TOX2: variants seen among roughly 807,000 people sequenced by gnomAD.
The protein encoded by TOX2 is TOX high mobility group box family member 2, also known as granulosa cell HMG box 1.
TOX2 carries 15 observed loss-of-function variants against 47.4 expected under a neutral mutation model. The observed-to-expected ratio is 0.32, with a 90% CI of 0.21 to 0.49. The LOEUF (loss-of-function observed/expected upper bound fraction) is 0.49, where lower values mean the gene tolerates loss of function less well. Ranked by LOEUF, TOX2 falls within the 20% of genes least tolerant of loss-of-function variation. The pLI is 0.99. For synonymous variants in TOX2, 290 were observed against 296.6 expected, an observed-to-expected ratio of 0.98 and a Z score of 0.23; for missense variants, 622 against 673.1, an observed-to-expected ratio of 0.92 and a Z score of 0.84.
At chr20:44,039,482 A>G (rs112915286) in intron 3 of TOX2, among the ~76,000 whole-genome samples, 1,764 of 152,258 alleles carry the variant, frequency 0.012, 16 homozygotes, top group Middle Eastern at 0.024. Context: ...GCCTGGACTC[A>G]GGAGGCCATG....
At chr20:43,934,576 C>A (rs535907302) in intron 1 of TOX2, among the ~76,000 whole-genome samples, 7 of 151,990 alleles carry the variant, frequency 4.6e-5, no homozygotes, top group African/African-American at 1.7e-4. Context: ...TACTGCAGAC[C>A]TGACTGGATG....
intron 2 of TOX2, among the ~76,000 whole-genome samples, chr20:43,994,032 G>A (rs1266000253): frequency 6.6e-6 from 1 of 152,082 alleles, no homozygotes; most frequent in Non-Finnish European, 1.5e-5. Flanking sequence ...CACGCCTGTA[G>A]TCCCAGCTCC....
At chr20:43,979,375 G>C (rs2070133902) in intron 2 of TOX2, among the ~76,000 whole-genome samples, 1 of 152,206 alleles carries the variant, frequency 6.6e-6, no homozygotes, top group African/African-American at 2.4e-5. Context: ...CTGTGAAATA[G>C]ATTAAGAAGG....
intron 1 of TOX2, among the ~76,000 whole-genome samples, chr20:43,949,474 T>A (rs1181931223): frequency 6.6e-6 from 1 of 152,128 alleles, no homozygotes; most frequent in East Asian, 1.9e-4. Flanking sequence ...ATCAGCTGGA[T>A]CTGTTCTGAT....
At position 44,066,123 on chromosome 20, in the gene TOX2, C is replaced by A; in HGVS notation, c.1356+16C>A. The A allele has an allele frequency of 6.6e-7, 1 of 1,516,068 alleles. No homozygotes were observed. Among genetic ancestry groups the A allele is most frequent in the South Asian group, 1.3e-5 (1 of 77,042 alleles). 93.9% of individuals were successfully genotyped at this position (1,516,068 alleles called of 1,614,324 possible). On this transcript the variant is annotated intron_variant, in intron 7 of 8. Transcript: ENST00000341197. ...AGGGCCACAGGTAAGCAGGGAAGAGCAGAACAGCCCTTCTGTGACCGTGTG... is the reference window on the plus strand; with the variant it reads ...AGGGCCACAGGTAAGCAGGGAAGAGAAGAACAGCCCTTCTGTGACCGTGTG...
In TOX2 at chr20:44,064,618, G is replaced by A. The variant is rs139526160; in HGVS notation, c.880-159G>A. On this transcript the variant is annotated intron_variant, in intron 5 of 8. Coordinates refer to ENST00000341197, the MANE Select transcript of TOX2 (RefSeq NM_001098797.2). Reference sequence around the variant, plus strand: ...CTGGTCTCCACAATTTCTCTGCAGCGCTCCCAGAAAGGGGCCAGTGGCTGG... The same window carrying A: ...CTGGTCTCCACAATTTCTCTGCAGCACTCCCAGAAAGGGGCCAGTGGCTGG... 2.0e-4 allele frequency among the ~76,000 whole-genome samples: 30 copies of A among 152,292 alleles called. No individual in the cohort carries two copies. The East Asian group carries it at 4.1e-3, about 21-fold the overall frequency.
At chr20:43,948,815 A>G (rs2069511994) in intron 1 of TOX2, among the ~76,000 whole-genome samples, 1 of 152,228 alleles carries the variant, frequency 6.6e-6, no homozygotes, top group Non-Finnish European at 1.5e-5. Flanking sequence ...GCCATTTTCC[A>G]GGGAGGGCCT....
At chr20:43,995,695 T>C (rs920492877) in intron 2 of TOX2, among the ~76,000 whole-genome samples, 1 of 152,122 alleles carries the variant, frequency 6.6e-6, no homozygotes, top group African/African-American at 2.4e-5. Context: ...CCAGTGTCTG[T>C]TTTTCCTTTT....
At chr20:44,015,157 G>A (rs1338313306) in intron 3 of TOX2, among the ~76,000 whole-genome samples, 2 of 152,004 alleles carry the variant, frequency 1.3e-5, no homozygotes, top group African/African-American at 4.8e-5. Flanking sequence ...GTCTCTGAGG[G>A]TCCTAAACAG....
At chr20:44,023,431 GAAA>G (rs35627597) in intron 3 of TOX2, among the ~76,000 whole-genome samples, 2 of 119,148 alleles carry the variant, frequency 1.7e-5, no homozygotes, top group Admixed American at 8.7e-5. Flanking sequence ...CTTTATCTCA[GAAA>G]AAAAAAAAAA....
chr20:43,950,391 A>C (rs1290215601), intron 1 of TOX2, among the ~76,000 whole-genome samples: 3 of 152,152 alleles, frequency 2.0e-5, no homozygotes, highest in Non-Finnish European at 4.4e-5. Context: ...AGGCCGGTGG[A>C]AAAAGTGCTG....
intron 1 of TOX2, chr20:43,945,846 C>G (rs2069460194): frequency 6.3e-7 from 1 of 1,594,932 alleles, no homozygotes; most frequent in African/African-American, 1.3e-5. Context: ...AATAGAGGAC[C>G]AAGAGTTGTC....
intron 1 of TOX2, among the ~76,000 whole-genome samples, chr20:43,929,851 A>G (rs2069229293): frequency 6.6e-6 from 1 of 152,164 alleles, no homozygotes. Context: ...CTGGGATTAC[A>G]GGAACACACC....
At chr20:43,991,229 G>A (rs547483630) in intron 2 of TOX2, among the ~76,000 whole-genome samples, 2 of 152,248 alleles carry the variant, frequency 1.3e-5, no homozygotes, top group East Asian at 3.9e-4. Context: ...AGGAGACCCC[G>A]ATGGGCCAAG....
intron 8 of TOX2, among the ~76,000 whole-genome samples, 197 bp from the exon 9 acceptor site, chr20:44,068,453 G>A (rs1569157033): frequency 6.6e-6 from 1 of 151,530 alleles, no homozygotes; most frequent in South Asian, 2.1e-4. Context: ...TCCCCTGCTG[G>A]GTTTCCGGGA....
chr20:43,919,698 G>A (rs767739732), intron 1 of TOX2, among the ~76,000 whole-genome samples: 9 of 152,054 alleles, frequency 5.9e-5, no homozygotes, highest in Admixed American at 1.3e-4. Flanking sequence ...GACAGGCCCC[G>A]GTGTGTGTTG....
At chr20:43,926,825 C>T (rs2069174082) in intron 1 of TOX2, among the ~76,000 whole-genome samples, 3 of 152,236 alleles carry the variant, frequency 2.0e-5, no homozygotes, top group Admixed American at 2.0e-4. Context: ...CACAGCCTGA[C>T]ACAGCCTGCC....
intron 3 of TOX2, among the ~76,000 whole-genome samples, chr20:44,032,470 G>A (rs1016281983): frequency 3.3e-5 from 5 of 152,182 alleles, no homozygotes; most frequent in Admixed American, 6.5e-5. Context: ...GTGGTGGGAG[G>A]CTGCTCGAGT....
chr20:43,922,142 A>G (rs534461770), intron 1 of TOX2, among the ~76,000 whole-genome samples: 2 of 152,114 alleles, frequency 1.3e-5, no homozygotes, highest in Non-Finnish European at 2.9e-5. Flanking sequence ...CCTGCCTTCT[A>G]TTGTTGCTGC....
Sources: gnomAD v4.1 joint callset for allele counts (sites outside exome capture counted in the v4.1 genomes callset) on GRCh38, gnomAD v4.1.1 for gene constraint, MANE v1.5 for transcripts, NCBI Gene and HGNC (gene_info 2026-07-23, HGNC 2026-07-21) for gene names.